ZNF148: variants seen among roughly 807,000 people sequenced by gnomAD.
The protein encoded by ZNF148 is zinc finger protein 148.
A neutral mutation model predicts 67.7 loss-of-function variants in ZNF148; 7 were observed. The ratio of observed to expected loss-of-function variants is 0.10; its 90% CI spans 0.06 to 0.19. The LOEUF (loss-of-function observed/expected upper bound fraction) is 0.19. Among genes scored for constraint, ZNF148 ranks in the 10% least tolerant of loss-of-function variants. The pLI, the probability that ZNF148 is intolerant of heterozygous loss-of-function variation, is 1.00. For missense variants in ZNF148, 583 were observed against 947.1 expected, an observed-to-expected ratio of 0.62 and a Z score of 5.05; for synonymous variants, 333 against 330.7, an observed-to-expected ratio of 1.01 and a Z score of -0.08.
At chr3:125,265,163 CTT>C (rs1348151625) in intron 7 of ZNF148, among the ~76,000 whole-genome samples, 8 of 152,200 alleles carry the variant, frequency 5.3e-5, no homozygotes, top group Non-Finnish European at 1.0e-4. Flanking sequence ...TCACTGCAAT[CTT>C]TTACTTTTTA....
chr3:125,284,922 A>G (rs1466062765), intron 5 of ZNF148, among the ~76,000 whole-genome samples: 1 of 151,864 alleles, frequency 6.6e-6, no homozygotes, highest in African/African-American at 2.4e-5. Context: ...CCAAAAAAAA[A>G]AAAAAAAGAC....
At chr3:125,277,611 G>T in intron 7 of ZNF148, 115 bp downstream of exon 7, 2 of 792,576 alleles carry the variant, frequency 2.5e-6, no homozygotes, top group Non-Finnish European at 3.9e-6. Context: ...GATAACCTGT[G>T]ATTTATAGTC....
intron 7 of ZNF148, among the ~76,000 whole-genome samples, chr3:125,235,465 T>C (rs879409287): frequency 3.9e-5 from 6 of 152,162 alleles, no homozygotes; most frequent in African/African-American, 9.7e-5. Context: ...TGTCCACCTT[T>C]GGGTGTTCAA....
At position 125,258,422 on chromosome 3, in the gene ZNF148, C is replaced by CAAAAA. The variant is rs34739205; in HGVS notation, c.667+19299_667+19303dup. ...CCTGGGAGACAGTGAGACTCCATCT[C>CAAAAA]AAAAAAAAAAAAAAAAAAAAAAAGG... is the stretch of plus-strand genomic sequence containing the variant. On this transcript the variant is annotated intron_variant, in intron 7 of 8. Coordinates refer to ENST00000360647, the MANE Select transcript of ZNF148 (RefSeq NM_021964.3). Among the ~76,000 whole-genome samples the CAAAAA allele has an allele frequency of 1.7e-3, 94 of 56,070 alleles. 2 individuals are homozygous for CAAAAA. Among genetic ancestry groups the CAAAAA allele is most frequent in the South Asian group, 5.1e-3 (5 of 972 alleles). The allele number at this position is 56,070 out of a possible 152,430, so 36.8% of individuals were successfully genotyped here.
chr3:125,250,716 G>GT (rs958378612), intron 7 of ZNF148, among the ~76,000 whole-genome samples: 19 of 152,056 alleles, frequency 1.2e-4, no homozygotes, highest in Admixed American at 3.3e-4. Context: ...GTTTGTTTTT[G>GT]TTTTTTGCAT....
chr3:125,238,896 T>C (rs1384945378), intron 7 of ZNF148, among the ~76,000 whole-genome samples: 1 of 152,186 alleles, frequency 6.6e-6, no homozygotes, highest in East Asian at 1.9e-4. Flanking sequence ...TAGAAATATG[T>C]GACACATACA....
At chr3:125,310,826 C>T (rs1940169601) in intron 4 of ZNF148, 1 of 167,228 alleles carries the variant, frequency 6.0e-6, no homozygotes, top group African/African-American at 2.3e-5. Flanking sequence ...GTTTGCACTA[C>T]TAAAATGGAC....
chr3:125,318,743 T>C (rs903243091), intron 3 of ZNF148, among the ~76,000 whole-genome samples: 24 of 152,144 alleles, frequency 1.6e-4, no homozygotes, highest in African/African-American at 5.3e-4. Flanking sequence ...ATCCTTCCTC[T>C]GCACTGCAAG....
chr3:125,268,155 C>A (rs1341040902), intron 7 of ZNF148, among the ~76,000 whole-genome samples: 2 of 150,816 alleles, frequency 1.3e-5, no homozygotes, highest in Non-Finnish European at 2.9e-5. Context: ...AAGCAATCTA[C>A]AGATTCACCA....
intron 1 of ZNF148, among the ~76,000 whole-genome samples, chr3:125,346,151 A>G (rs1352289433): frequency 6.6e-6 from 1 of 152,254 alleles, no homozygotes; most frequent in Non-Finnish European, 1.5e-5. Flanking sequence ...TATCTCAGAA[A>G]TGCAAGGTTG....
chr3:125,254,216 G>C (rs1936970423), intron 7 of ZNF148, among the ~76,000 whole-genome samples: 1 of 152,020 alleles, frequency 6.6e-6, no homozygotes. Context: ...GTAGATCTAA[G>C]TGATGTACAC....
chr3:125,257,186 G>A (rs4679373), intron 7 of ZNF148, among the ~76,000 whole-genome samples: 120,172 of 152,040 alleles, frequency 0.79, 48,287 homozygotes, highest in African/African-American at 0.92. Context: ...ACTTAGCATG[G>A]ACTGTAACTT....
chr3:125,330,667 A>T (rs1941252560), intron 2 of ZNF148, among the ~76,000 whole-genome samples: 1 of 152,066 alleles, frequency 6.6e-6, no homozygotes, highest in Non-Finnish European at 1.5e-5. Flanking sequence ...TGTCTCTATT[A>T]AAAAATTAAA....
At chr3:125,322,154 C>T (rs1304931519) in intron 3 of ZNF148, among the ~76,000 whole-genome samples, 5 of 151,428 alleles carry the variant, frequency 3.3e-5, no homozygotes, top group African/African-American at 4.9e-5. Context: ...CTCAGCCTCC[C>T]GAGTAGCCGG....
intron 1 of ZNF148, among the ~76,000 whole-genome samples, chr3:125,350,880 C>T (rs749514662): frequency 1.3e-5 from 2 of 152,168 alleles, no homozygotes; most frequent in African/African-American, 2.4e-5. Flanking sequence ...AATTCTATAA[C>T]GTTGACAACA....
At chr3:125,332,067 C>G (rs562692556) in intron 1 of ZNF148, among the ~76,000 whole-genome samples, 1 of 152,190 alleles carries the variant, frequency 6.6e-6, no homozygotes, top group South Asian at 2.1e-4. Context: ...AATGTAAAAG[C>G]AGAATATTTT....
At position 125,368,245 on chromosome 3, in the gene ZNF148, G is replaced by T. The variant is rs1942761628; in HGVS notation, c.-234+6857C>A. Among the ~76,000 whole-genome samples, 3 of 152,272 alleles carry T rather than the reference G, an allele frequency of 2.0e-5. No individual in the cohort carries two copies. The South Asian group carries it at 6.2e-4, about 32-fold the overall frequency. ...AGAATTTATTTCATCTGAGAAAAAT[G>T]AGTTTTTAAAAAATTTATTTACACA... is the stretch of plus-strand genomic sequence containing the variant. On this transcript the variant is annotated intron_variant, in intron 1 of 8. Coordinates refer to ENST00000360647, the MANE Select transcript of ZNF148 (RefSeq NM_021964.3).
chr3:125,295,407 C>T (rs544970008), intron 4 of ZNF148, among the ~76,000 whole-genome samples: 10 of 150,986 alleles, frequency 6.6e-5, no homozygotes, highest in African/African-American at 1.2e-4. Context: ...GAGCCAGGAT[C>T]GTGCCACTGC....
intron 4 of ZNF148, among the ~76,000 whole-genome samples, chr3:125,295,702 G>A (rs941890081): frequency 1.3e-5 from 2 of 152,122 alleles, no homozygotes; most frequent in Non-Finnish European, 2.9e-5. Context: ...GTAACCTGGA[G>A]GGGAAAATCT....
Sources: allele counts gnomAD v4.1 joint callset (sites outside exome capture counted in the v4.1 genomes callset), GRCh38; gene constraint gnomAD v4.1.1; transcripts MANE v1.5; gene names NCBI Gene and HGNC (gene_info 2026-07-23, HGNC 2026-07-21).